ANP32A: variants seen among roughly 807,000 people sequenced by gnomAD.
ANP32A encodes acidic nuclear phosphoprotein 32 family member A.
A neutral mutation model predicts 33.9 loss-of-function variants in ANP32A; 1 was observed. That is an observed-to-expected ratio of 0.03 (90% CI 0.01 to 0.14). ANP32A has a LOEUF of 0.14. Ranked by LOEUF, ANP32A falls within the 10% of genes least tolerant of loss-of-function variation. ANP32A has a pLI of 1.00. For synonymous variants in ANP32A, 115 were observed against 120.5 expected (o/e 0.95, Z 0.30); for missense variants, 155 against 306.0 (o/e 0.51, Z 3.68).
At chr15:68,796,133 G>A (rs866766126) in intron 1 of ANP32A, among the ~76,000 whole-genome samples, 6 of 152,260 alleles carry the variant, frequency 3.9e-5, no homozygotes, top group Middle Eastern at 3.4e-3. Flanking sequence ...CTAAGCTGGC[G>A]TGCAGTGGCG....
intron 1 of ANP32A, among the ~76,000 whole-genome samples, chr15:68,803,502 T>G (rs964752752): frequency 4.6e-5 from 7 of 152,202 alleles, no homozygotes; most frequent in Non-Finnish European, 7.3e-5. Context: ...CTACTTTTAT[T>G]GGAAAGCCAT....
At chr15:68,817,594 G>C (rs1036943686) in intron 1 of ANP32A, 2 of 152,362 alleles carry the variant, frequency 1.3e-5, no homozygotes, top group African/African-American at 4.8e-5. Context: ...CGATCGGTTA[G>C]TCCTTAAGGC....
chr15:68,811,668 T>A (rs1353162557), intron 1 of ANP32A, among the ~76,000 whole-genome samples: 1 of 152,224 alleles, frequency 6.6e-6, no homozygotes, highest in East Asian at 1.9e-4. Flanking sequence ...TTTGAATCTC[T>A]AGCTTCTAAA....
At chr15:68,798,271 A>C (rs1894088409) in intron 1 of ANP32A, among the ~76,000 whole-genome samples, 3 of 152,228 alleles carry the variant, frequency 2.0e-5, no homozygotes, top group Admixed American at 2.0e-4. Context: ...CTCCAGTGTT[A>C]CTATTCAGAG....
At position 68,779,117 on chromosome 15, in the gene ANP32A, G is replaced by C. The variant is rs1156692563; in HGVS notation, c.*964C>G. The C allele has an allele frequency of 1.3e-5, 2 of 151,954 alleles. No individual in the cohort carries two copies. Among genetic ancestry groups the C allele is most frequent in the African/African-American group, 4.8e-5 (2 of 41,364 alleles). 9.4% of individuals were successfully genotyped at this position (151,954 alleles called of 1,614,324 possible). A position where few individuals can be genotyped will look rare whatever the true frequency, so the allele number is the denominator to read the frequency against. On this transcript the variant is annotated 3_prime_UTR_variant, in exon 7 of 7. Coordinates refer to ENST00000465139, the MANE Select transcript of ANP32A (RefSeq NM_006305.4). ...TCACTAGGAATTTGCAGTCATTTCAGATTTCCACTAGGTAAGAAAATACAA... is the reference window on the plus strand; with the variant it reads ...TCACTAGGAATTTGCAGTCATTTCACATTTCCACTAGGTAAGAAAATACAA...
chr15:68,784,751 T>C (rs1893911780), intron 3 of ANP32A, among the ~76,000 whole-genome samples, 156 bp from the exon 4 acceptor site: 2 of 152,192 alleles, frequency 1.3e-5, no homozygotes, highest in East Asian at 1.9e-4. Flanking sequence ...TTAGCCACAG[T>C]GTTTGCCCAG....
At chr15:68,800,739 G>A (rs1466906543) in intron 1 of ANP32A, among the ~76,000 whole-genome samples, 48 of 2,928 alleles carry the variant, frequency 0.016, no homozygotes, top group Non-Finnish European at 0.066. Context: ...GCGAGACTCC[G>A]TCTCAAAAAA....
At chr15:68,815,045 T>C (rs1021256226) in intron 1 of ANP32A, among the ~76,000 whole-genome samples, 2 of 152,254 alleles carry the variant, frequency 1.3e-5, no homozygotes, top group Admixed American at 6.5e-5. Flanking sequence ...TGCTTCATAC[T>C]AAACCAGTAA....
intron 1 of ANP32A, among the ~76,000 whole-genome samples, chr15:68,805,724 C>T: frequency 6.6e-6 from 1 of 152,300 alleles, no homozygotes; most frequent in East Asian, 1.9e-4. Flanking sequence ...GGTCAGAAGT[C>T]CAGTGTAAGG....
intron 1 of ANP32A, among the ~76,000 whole-genome samples, chr15:68,818,903 C>A (rs552066989): frequency 6.6e-6 from 1 of 151,864 alleles, no homozygotes; most frequent in South Asian, 2.1e-4. Context: ...CGGAGAGAGG[C>A]AAACCGCCCG....
chr15:68,801,996 G>A (rs1324794449), intron 1 of ANP32A: 1 of 153,128 alleles, frequency 6.5e-6, no homozygotes, highest in African/African-American at 2.4e-5. Context: ...CACAAGGTCA[G>A]GATCTCCTGG....
Position 68,780,515 on chromosome 15 carries a change from C to T in ANP32A, c.625-42G>A. 1 of 1,612,708 alleles carries T rather than the reference C, an allele frequency of 6.2e-7. No homozygotes were observed. The highest frequency in any genetic ancestry group is 1.7e-4 in the Middle Eastern group (1 of 6,054). On this transcript the variant is annotated intron_variant, in intron 5 of 6. Transcript: ENST00000465139. The surrounding 1 kb of genome is among the most constrained non-coding windows in gnomAD (Gnocchi z 4.3). ...ACACCAGAACATTAGAAATGCCCTGCCTTGGGACATGCTGAGGAAGCCACA... is the reference window on the plus strand; with the variant it reads ...ACACCAGAACATTAGAAATGCCCTGTCTTGGGACATGCTGAGGAAGCCACA...
chr15:68,813,627 T>C (rs1894340173), intron 1 of ANP32A, among the ~76,000 whole-genome samples: 1 of 152,140 alleles, frequency 6.6e-6, no homozygotes, highest in Admixed American at 6.5e-5. Context: ...GAGTAAGGGA[T>C]GGACTGCCAA....
Position 68,787,518 on chromosome 15 carries a change from G to A in ANP32A, c.222C>T (p.Asn74=). ...NKLKKLELSD[N]RVSGGLEVLA... ...ATACTTCCAGGCCCCCTGAGACTCT[G>A]TTATCGCTTAGTTCAAGCTAAATAA... The change falls in exon 3 of 7, where the codon AAC becomes AAT. Residue 74 remains asparagine (N), a synonymous_variant. Coordinates refer to ENST00000465139, the MANE Select transcript of ANP32A (RefSeq NM_006305.4). 1 of 1,614,186 alleles carries A rather than the reference G, an allele frequency of 6.2e-7. No individual in the cohort carries two copies. Among genetic ancestry groups the A allele is most frequent in the Non-Finnish European group, 8.5e-7 (1 of 1,180,032 alleles).
chr15:68,816,806 T>A (rs910912773), intron 1 of ANP32A, among the ~76,000 whole-genome samples: 14 of 152,164 alleles, frequency 9.2e-5, no homozygotes, highest in African/African-American at 3.4e-4. Context: ...AAGCCCATCT[T>A]CATCATGGAG....
chr15:68,791,242 C>G (rs921923940), intron 1 of ANP32A: 10 of 152,222 alleles, frequency 6.6e-5, no homozygotes, highest in African/African-American at 2.4e-4. Context: ...TTCATCAAAC[C>G]TAAGTATAAA....
chr15:68,784,647 G>A lies in ANP32A; in HGVS notation c.328-52C>T, dbSNP rs1893910289. 6 of 1,596,358 alleles carry A rather than the reference G, an allele frequency of 3.8e-6. No individual in the cohort carries two copies. In the South Asian group the frequency reaches 4.4e-5, roughly 12 times the overall value. Reference sequence around the variant, plus strand: ...GTAAGTGATTTGTGGGAGGAAGGTGGAGGAACAGCCCTAGCAAACAGGCAA... The same window carrying A: ...GTAAGTGATTTGTGGGAGGAAGGTGAAGGAACAGCCCTAGCAAACAGGCAA... On this transcript the variant is annotated intron_variant, in intron 3 of 6. Coordinates refer to ENST00000465139, the MANE Select transcript of ANP32A (RefSeq NM_006305.4).
intron 1 of ANP32A, among the ~76,000 whole-genome samples, chr15:68,818,662 C>A (rs980747960): frequency 6.6e-6 from 1 of 152,156 alleles, no homozygotes; most frequent in East Asian, 1.9e-4. Context: ...CCGGTTCGAC[C>A]CGCTTTCCTG....
Position 68,781,983 on chromosome 15 carries a change from G to T in ANP32A, c.624+973C>A, listed in dbSNP as rs538082690. ...GAACTGGAAGACACTATCTGAGTGAGTCCGTGTGGCAAGCGGATGTGTCTG... is the reference window on the plus strand; with the variant it reads ...GAACTGGAAGACACTATCTGAGTGATTCCGTGTGGCAAGCGGATGTGTCTG... On this transcript the variant is annotated intron_variant, in intron 5 of 6. Coordinates refer to ENST00000465139, the MANE Select transcript of ANP32A (RefSeq NM_006305.4). 1.6e-3 allele frequency among the ~76,000 whole-genome samples: 240 copies of T among 152,332 alleles called. 2 individuals are homozygous for T. The highest frequency in any genetic ancestry group is 3.0e-3 in the Non-Finnish European group (206 of 68,030).
Sources: gnomAD v4.1 joint callset for allele counts (sites outside exome capture counted in the v4.1 genomes callset) on GRCh38, gnomAD v4.1.1 for gene constraint, Gnocchi (gnomAD v3.1) non-coding constraint, MANE v1.5 for transcripts, NCBI Gene and HGNC (gene_info 2026-07-23, HGNC 2026-07-21) for gene names.